GNRHR: variants seen among roughly 807,000 people sequenced by gnomAD.
The protein encoded by GNRHR is gonadotropin releasing hormone receptor, also known as gonadotropin-releasing hormone receptor.
In GNRHR, 14 loss-of-function variants were observed where a neutral mutation model predicts 28.1. The ratio of observed to expected loss-of-function variants is 0.50; its 90% CI spans 0.33 to 0.78. GNRHR has a LOEUF of 0.78. GNRHR is among the 30% of genes least tolerant of loss of function. The pLI is 0.02. For synonymous variants in GNRHR, 141 were observed against 140.5 expected (o/e 1.00, Z -0.02); for missense variants, 366 against 382.1 (o/e 0.96, Z 0.35).
chr4:67,754,014 A>G lies in GNRHR; in HGVS notation c.322T>C (p.Tyr108His). Residue 108 changes from tyrosine to histidine, a missense_variant, in exon 1 of 3, where the codon TAT becomes CAT. Coordinates refer to ENST00000226413, the MANE Select transcript of GNRHR (RefSeq NM_000406.3). Reference protein sequence around the residue: ...DGMWNITVQWYAGELLCKVLS... With the variant: ...DGMWNITVQWHAGELLCKVLS... ...ACTTTGCAGAGTAACTCTCCAGCAT[A>G]CCATTGGACTGTAATGTTCCACATC... The G allele has an allele frequency of 6.2e-7, 1 of 1,613,470 alleles. No homozygotes were observed. Among genetic ancestry groups the G allele is most frequent in the Non-Finnish European group, 8.5e-7 (1 of 1,179,372 alleles).
chr4:67,737,482 A>G lies in GNRHR; in HGVS notation c.*2998T>C, dbSNP rs1283487970. 6.6e-6 allele frequency among the ~76,000 whole-genome samples: 1 copy of G among 151,994 alleles called. No homozygotes were observed. The highest frequency in any genetic ancestry group is 1.5e-5 in the Non-Finnish European group (1 of 67,884). On this transcript the variant is annotated 3_prime_UTR_variant, in exon 3 of 3. Coordinates refer to ENST00000226413, the MANE Select transcript of GNRHR (RefSeq NM_000406.3). Reference sequence around the variant, plus strand: ...GGAAAGTGGACCACAGGTAAAATAGATGGAGTTCTAGAAGTATTTTAACTG... The same window carrying G: ...GGAAAGTGGACCACAGGTAAAATAGGTGGAGTTCTAGAAGTATTTTAACTG...
At position 67,740,345 on chromosome 4, in the gene GNRHR, A is replaced by G; in HGVS notation, c.*135T>C. The G allele has an allele frequency of 1.4e-6, 1 of 711,676 alleles. No individual in the cohort carries two copies. Among genetic ancestry groups the G allele is most frequent in the South Asian group, 1.7e-5 (1 of 58,814 alleles). The allele number at this position is 711,676 out of a possible 1,614,324, so 44.1% of individuals were successfully genotyped here. On this transcript the variant is annotated 3_prime_UTR_variant, in exon 3 of 3. Transcript: ENST00000226413. ...TTGAGGCTCTGAAGACTGAGTTTCT[A>G]AAAGAATGATAACTTAAGTGTAAAT...
In GNRHR at chr4:67,737,411, C is replaced by T. The variant is rs1293812344; in HGVS notation, c.*3069G>A. Among the ~76,000 whole-genome samples, 2 of 151,666 alleles carry T rather than the reference C, an allele frequency of 1.3e-5. No homozygotes were observed. The highest frequency in any genetic ancestry group is 2.4e-5 in the African/African-American group (1 of 41,324). On this transcript the variant is annotated 3_prime_UTR_variant, in exon 3 of 3. Transcript: ENST00000226413. ...TTAAAATTTCTTTTATTCATATGAG[C>T]ACAATGTATAGTAATTAGAGAAGCC...
At chr4:67,753,572 A>G in intron 1 of GNRHR, 1 of 530,184 alleles carries the variant, frequency 1.9e-6, no homozygotes. Flanking sequence ...TCATCACAAA[A>G]GCAGTATTAA....
At position 67,739,774 on chromosome 4, in the gene GNRHR, T is replaced by C. The variant is rs1430571932; in HGVS notation, c.*706A>G. ...GACTAGATAGCTTAGAGGAATGTTCTAAACCCCTGTCCAAATCCTAACCCC... is the reference window on the plus strand; with the variant it reads ...GACTAGATAGCTTAGAGGAATGTTCCAAACCCCTGTCCAAATCCTAACCCC... On this transcript the variant is annotated 3_prime_UTR_variant, in exon 3 of 3. Transcript: ENST00000226413. 6.6e-6 allele frequency: 1 copy of C among 152,072 alleles called. No individual in the cohort carries two copies. The highest frequency in any genetic ancestry group is 2.4e-5 in the African/African-American group (1 of 41,416). 9.4% of individuals were successfully genotyped at this position (152,072 alleles called of 1,614,324 possible).
In GNRHR at chr4:67,748,310, T is replaced by G. The variant is rs115931531; in HGVS notation, c.523-3523A>C. Among the ~76,000 whole-genome samples, 463 of 152,224 alleles carry G rather than the reference T, an allele frequency of 3.0e-3. 2 individuals are homozygous for G. The highest frequency in any genetic ancestry group is 0.011 in the African/African-American group (448 of 41,546). ...TGGAGAAAATAGTAATATCTACCTC[T>G]AAGGCCTATCATGACAATAAATGAG... On this transcript the variant is annotated intron_variant, in intron 1 of 2. Coordinates refer to ENST00000226413, the MANE Select transcript of GNRHR (RefSeq NM_000406.3).
chr4:67,741,116 G>A lies in GNRHR; in HGVS notation c.743-392C>T, dbSNP rs1398651379. On this transcript the variant is annotated intron_variant, in intron 2 of 2. Coordinates refer to ENST00000226413, the MANE Select transcript of GNRHR (RefSeq NM_000406.3). Reference sequence around the variant, plus strand: ...GTTTGGCTATATGAATAAGTTCTTTGGTGGTGAGTTCTGAGATCTCGGTGG... The same window carrying A: ...GTTTGGCTATATGAATAAGTTCTTTAGTGGTGAGTTCTGAGATCTCGGTGG... 1.1e-4 allele frequency among the ~76,000 whole-genome samples: 17 copies of A among 151,674 alleles called. 1 individual carries two copies. The highest frequency in any genetic ancestry group is 1.5e-5 in the Non-Finnish European group (1 of 67,918).
At chr4:67,743,943 C>T (rs1731707979) in intron 2 of GNRHR, among the ~76,000 whole-genome samples, 1 of 152,142 alleles carries the variant, frequency 6.6e-6, no homozygotes. Flanking sequence ...ATAACTTATG[C>T]ACTATGTCAT....
intron 1 of GNRHR, among the ~76,000 whole-genome samples, chr4:67,745,579 C>T (rs1731739974): frequency 1.3e-5 from 2 of 151,870 alleles, no homozygotes; most frequent in Admixed American, 6.6e-5. Context: ...GTGATTACAG[C>T]AAGAATCATC....
chr4:67,740,871 G>T (rs2109981448), intron 2 of GNRHR, 147 bp from the exon 3 acceptor site: 1 of 663,014 alleles, frequency 1.5e-6, no homozygotes, highest in Non-Finnish European at 2.6e-6. Context: ...TGTTTGAAAA[G>T]CATGTTTTAA....
chr4:67,747,000 CT>C (rs1577869536), intron 1 of GNRHR, among the ~76,000 whole-genome samples: 1 of 152,034 alleles, frequency 6.6e-6, no homozygotes, highest in Non-Finnish European at 1.5e-5. Flanking sequence ...CAAAGTGAGA[CT>C]TTTAGTTTTC....
intron 2 of GNRHR, among the ~76,000 whole-genome samples, chr4:67,743,731 C>G (rs933081755): frequency 2.0e-5 from 3 of 152,120 alleles, no homozygotes; most frequent in Non-Finnish European, 4.4e-5. Flanking sequence ...AAAATGGAAT[C>G]TCTCGAGATA....
At chr4:67,746,507 A>C (rs1032311102) in intron 1 of GNRHR, among the ~76,000 whole-genome samples, 1 of 152,034 alleles carries the variant, frequency 6.6e-6, no homozygotes, top group Non-Finnish European at 1.5e-5. Flanking sequence ...GAGAAGTTTC[A>C]TTTTACTGTG....
rs182069310 is a variant in GNRHR, at chr4:67,739,484, C to G, written c.*996G>C. The G allele has an allele frequency of 5.9e-5, 9 of 152,152 alleles. No homozygotes were observed. Among genetic ancestry groups the G allele is most frequent in the African/African-American group, 2.2e-4 (9 of 41,560 alleles). The allele number at this position is 152,152 out of a possible 1,614,324, so 9.4% of individuals were successfully genotyped here. A position where few individuals can be genotyped will look rare whatever the true frequency, so the allele number is the denominator to read the frequency against. ...CCTGACATGTTCTGTCTTCTTTGAT[C>G]TGTACAGACTGAAGCTGTAGTTTTC... On this transcript the variant is annotated 3_prime_UTR_variant, in exon 3 of 3. Coordinates refer to ENST00000226413, the MANE Select transcript of GNRHR (RefSeq NM_000406.3).
intron 2 of GNRHR, among the ~76,000 whole-genome samples, chr4:67,743,052 A>C (rs1464241623): frequency 2.0e-5 from 3 of 151,912 alleles, no homozygotes; most frequent in African/African-American, 7.3e-5. Flanking sequence ...TCCTGGGTTC[A>C]AGTGATTCTC....
chr4:67,754,222 T>G lies in GNRHR; in HGVS notation c.114A>C (p.Arg38=). The stretch of plus-strand genomic sequence containing the variant: ...GAAAAAGGAAGAAAGTAACCGTCAC[T>G]CGGATCTTTCCAGACAAGGTCAGAG... ...LPTLTLSGKI[R]VTVTFFLFLL... is the part of the protein sequence containing the mutation. Residue 38 remains arginine, a synonymous_variant, in exon 1 of 3, where the codon CGA becomes CGC. Transcript: ENST00000226413. 3 of 1,614,130 alleles carry G rather than the reference T, an allele frequency of 1.9e-6. No individual in the cohort carries two copies. The highest frequency in any genetic ancestry group is 2.5e-6 in the Non-Finnish European group (3 of 1,179,964).
chr4:67,737,242 T>G lies in GNRHR; in HGVS notation c.*3238A>C, dbSNP rs549743977. On this transcript the variant is annotated 3_prime_UTR_variant, in exon 3 of 3. Transcript: ENST00000226413. ...TTAAGAAATCATGCAGATAACTATA[T>G]TAACAGTTTTCATATATGTTTATCT... Among the ~76,000 whole-genome samples the G allele has an allele frequency of 2.1e-3, 323 of 152,228 alleles. No homozygotes were observed. The highest frequency in any genetic ancestry group is 2.5e-3 in the Non-Finnish European group (172 of 67,964).
intron 2 of GNRHR, among the ~76,000 whole-genome samples, chr4:67,741,102 T>C (rs986894609): frequency 6.6e-5 from 10 of 152,106 alleles, no homozygotes; most frequent in Non-Finnish European, 1.3e-4. Flanking sequence ...TTTGGCTATA[T>C]GAATAAGTTC....
intron 1 of GNRHR, 43 bp from the exon 2 acceptor site, chr4:67,744,830 G>T: frequency 8.7e-7 from 1 of 1,145,516 alleles, no homozygotes; most frequent in Non-Finnish European, 1.3e-6. Flanking sequence ...TTTCCATATG[G>T]TATTTGAAAG....
Sources: gnomAD v4.1 joint callset for allele counts (sites outside exome capture counted in the v4.1 genomes callset) on GRCh38, gnomAD v4.1.1 for gene constraint, MANE v1.5 for transcripts, NCBI Gene and HGNC (gene_info 2026-07-23, HGNC 2026-07-21) for gene names.